The following CHN2 variants were observed in gnomAD, a reference collection of about 807,000 sequenced individuals.
CHN2 encodes the protein chimerin 2, also known as beta-chimaerin.
A neutral mutation model predicts 56.3 loss-of-function variants in CHN2; 35 were observed. That is an observed-to-expected ratio of 0.62 (90% CI 0.47 to 0.82). CHN2 has a LOEUF of 0.82. Ranked by LOEUF, CHN2 falls within the 40% of genes least tolerant of loss-of-function variation. The pLI is 0.00. For synonymous variants in CHN2, 210 were observed against 212.8 expected, an observed-to-expected ratio of 0.99 and a Z score of 0.12; for missense variants, 491 against 580.5, an observed-to-expected ratio of 0.85 and a Z score of 1.58.
At chr7:29,409,238 C>T (rs1260606119) in intron 6 of CHN2, among the ~76,000 whole-genome samples, 1 of 152,036 alleles carries the variant, frequency 6.6e-6, no homozygotes, top group Non-Finnish European at 1.5e-5. Flanking sequence ...GGCCTCAGGA[C>T]CCCTCTATAC....
rs1554298738 is a variant in CHN2, at chr7:29,472,301, A to ACACACG, written c.577-7973_577-7972insGCACAC. ...CACACACACACACACACACACACGC[A>ACACACG]CACACACACATTAGACACAGAAATA... On this transcript the variant is annotated intron_variant, in intron 6 of 12. Transcript: ENST00000222792. Among the ~76,000 whole-genome samples the ACACACG allele has an allele frequency of 5.8e-3, 859 of 146,948 alleles. 11 individuals carry two copies. Among genetic ancestry groups the ACACACG allele is most frequent in the African/African-American group, 0.021 (821 of 38,588 alleles).
At chr7:29,288,093 G>A (rs1792302088) in intron 1 of CHN2, among the ~76,000 whole-genome samples, 1 of 152,016 alleles carries the variant, frequency 6.6e-6, no homozygotes, top group Admixed American at 6.6e-5. Context: ...AAATATATTA[G>A]TATATTAGAC....
At chr7:29,397,327 TACAAA>T (rs1255517225) in intron 4 of CHN2, 10 of 152,230 alleles carry the variant, frequency 6.6e-5, no homozygotes, top group African/African-American at 1.4e-4. Context: ...CTGAGGAAAA[TACAAA>T]ACAAAAGAAA....
intron 1 of CHN2, among the ~76,000 whole-genome samples, chr7:29,206,367 C>A (rs538657120): frequency 1.3e-5 from 2 of 152,226 alleles, no homozygotes; most frequent in African/African-American, 4.8e-5. Context: ...CTGCACCCTG[C>A]GCTTCCTGGG....
chr7:29,432,184 G>T (rs970415713), intron 6 of CHN2, among the ~76,000 whole-genome samples: 1 of 152,018 alleles, frequency 6.6e-6, no homozygotes, highest in Non-Finnish European at 1.5e-5. Flanking sequence ...TGGTTCCTTT[G>T]ATACACTGCC....
At chr7:29,264,133 C>T (rs556834465) in intron 1 of CHN2, among the ~76,000 whole-genome samples, 16 of 147,422 alleles carry the variant, frequency 1.1e-4, no homozygotes, top group African/African-American at 3.4e-4. Flanking sequence ...CCCCTCTGCC[C>T]GGCCGCCACC....
intron 1 of CHN2, among the ~76,000 whole-genome samples, chr7:29,248,859 G>A (rs1303334553): frequency 6.6e-6 from 1 of 152,146 alleles, no homozygotes. Context: ...GATGAGCCGG[G>A]CTTAGAATCC....
chr7:29,490,591 A>C (rs2128559421), intron 7 of CHN2, among the ~76,000 whole-genome samples: 1 of 152,338 alleles, frequency 6.6e-6, no homozygotes, highest in African/African-American at 2.4e-5. Context: ...AAAGGTGGAA[A>C]TAAGATGAAA....
At chr7:29,148,057 T>G (rs1233460210) in intron 2 of CHN2, among the ~76,000 whole-genome samples, 1 of 152,200 alleles carries the variant, frequency 6.6e-6, no homozygotes, top group Non-Finnish European at 1.5e-5. Context: ...CAGCCACCTC[T>G]TGGGCACAAG....
chr7:29,423,153 C>T (rs1234523139), intron 6 of CHN2, among the ~76,000 whole-genome samples: 2 of 152,166 alleles, frequency 1.3e-5, no homozygotes, highest in African/African-American at 4.8e-5. Context: ...AATGTTAGCA[C>T]CCAGGGTGGA....
At chr7:29,254,837 G>T (rs1006321277) in intron 1 of CHN2, among the ~76,000 whole-genome samples, 1 of 152,150 alleles carries the variant, frequency 6.6e-6, no homozygotes, top group African/African-American at 2.4e-5. Context: ...GTGCAAGGGA[G>T]TCTGGGAAAT....
chr7:29,343,809 A>G (rs35460666), intron 1 of CHN2, among the ~76,000 whole-genome samples: 39,731 of 151,340 alleles, frequency 0.26, 5,421 homozygotes, highest in Non-Finnish European at 0.3. Context: ...TAGTGGCTAC[A>G]GCTGCCATAT....
At chr7:29,512,458 C>A in intron 12 of CHN2, 106 bp from the exon 13 acceptor site, 2 of 957,766 alleles carry the variant, frequency 2.1e-6, no homozygotes, top group Non-Finnish European at 3.0e-6. Flanking sequence ...CTTTTTCTTG[C>A]AATTTCCTGA....
At chr7:29,363,012 AG>A (rs2128034417) in intron 2 of CHN2, among the ~76,000 whole-genome samples, 1 of 152,356 alleles carries the variant, frequency 6.6e-6, no homozygotes, top group African/African-American at 2.4e-5. Flanking sequence ...GGAAGAGAAA[AG>A]TGAACAGGAT....
chr7:29,411,600 G>C (rs1015141201), intron 6 of CHN2, among the ~76,000 whole-genome samples: 1 of 152,154 alleles, frequency 6.6e-6, no homozygotes, highest in Non-Finnish European at 1.5e-5. Context: ...GTGACCATGT[G>C]GTCAAGTCAG....
At chr7:29,211,298 T>C (rs1029898488) in intron 1 of CHN2, among the ~76,000 whole-genome samples, 1 of 151,782 alleles carries the variant, frequency 6.6e-6, no homozygotes, top group South Asian at 2.1e-4. Flanking sequence ...CGGGATGGTC[T>C]CGATCTCCTG....
intron 1 of CHN2, among the ~76,000 whole-genome samples, chr7:29,230,602 A>G (rs1324673674): frequency 1.3e-5 from 2 of 152,156 alleles, no homozygotes; most frequent in Non-Finnish European, 2.9e-5. Context: ...CAGCCTCTCA[A>G]AGTGCTGGGA....
chr7:29,327,418 G>A (rs972138421), intron 1 of CHN2, among the ~76,000 whole-genome samples: 3 of 152,152 alleles, frequency 2.0e-5, no homozygotes, highest in Non-Finnish European at 2.9e-5. Flanking sequence ...CAGGGACTTC[G>A]GTTTTGCTTC....
chr7:29,283,980 C>T (rs1355209471), intron 1 of CHN2, among the ~76,000 whole-genome samples: 3 of 128,196 alleles, frequency 2.3e-5, no homozygotes, highest in Admixed American at 9.3e-5. Context: ...TGGAGTGGCT[C>T]ACTGCAACCT....
Sources: gnomAD v4.1 joint callset for allele counts (sites outside exome capture counted in the v4.1 genomes callset) on GRCh38, gnomAD v4.1.1 for gene constraint, MANE v1.5 for transcripts, NCBI Gene and HGNC (gene_info 2026-07-23, HGNC 2026-07-21) for gene names.